The following RNF150 variants were observed in gnomAD, a reference collection of about 807,000 sequenced individuals.
RNF150 encodes ring finger protein 150.
RNF150 carries 24 observed loss-of-function variants against 39.3 expected under a neutral mutation model. That is an observed-to-expected ratio of 0.61 (90% CI 0.44 to 0.86). RNF150 has a LOEUF of 0.86. Ranked by LOEUF, RNF150 falls within the 40% of genes least tolerant of loss-of-function variation. The pLI is 0.00. For missense variants in RNF150, 502 were observed against 587.8 expected, an observed-to-expected ratio of 0.85 and a Z score of 1.51; for synonymous variants, 255 against 227.3, an observed-to-expected ratio of 1.12 and a Z score of -1.10.
At chr4:141,082,831 G>T (rs1206874083) in intron 1 of RNF150, among the ~76,000 whole-genome samples, 2 of 152,006 alleles carry the variant, frequency 1.3e-5, no homozygotes, top group Non-Finnish European at 2.9e-5. Flanking sequence ...CTCGTGATCC[G>T]CCCGCCTCGG....
intron 6 of RNF150, among the ~76,000 whole-genome samples, chr4:140,870,663 C>T (rs1728898005): frequency 6.6e-6 from 1 of 152,100 alleles, no homozygotes; most frequent in Non-Finnish European, 1.5e-5. Flanking sequence ...CACTCCACAG[C>T]ACAGCTTCAC....
At chr4:141,095,216 T>C (rs988550129) in intron 1 of RNF150, among the ~76,000 whole-genome samples, 2 of 152,214 alleles carry the variant, frequency 1.3e-5, no homozygotes, top group African/African-American at 4.8e-5. Flanking sequence ...TGTGGGCTGA[T>C]ACCTCAGTCT....
chr4:141,203,470 T>C (rs1212520570), intron 1 of RNF150, among the ~76,000 whole-genome samples: 1 of 151,900 alleles, frequency 6.6e-6, no homozygotes, highest in African/African-American at 2.4e-5. Flanking sequence ...ATGTGGACTT[T>C]GATCATTCTG....
chr4:141,056,955 G>T (rs1737000068), intron 1 of RNF150, among the ~76,000 whole-genome samples: 1 of 152,060 alleles, frequency 6.6e-6, no homozygotes, highest in South Asian at 2.1e-4. Flanking sequence ...TGATAATAGT[G>T]TAGTTACTTA....
chr4:140,984,444 T>A (rs565182577), intron 1 of RNF150, among the ~76,000 whole-genome samples: 3 of 152,256 alleles, frequency 2.0e-5, no homozygotes, highest in African/African-American at 7.2e-5. Context: ...GCAGGTAGAA[T>A]TGAATGCATT....
intron 1 of RNF150, among the ~76,000 whole-genome samples, chr4:140,987,383 T>G (rs1734050162): frequency 6.6e-6 from 1 of 152,058 alleles, no homozygotes; most frequent in African/African-American, 2.4e-5. Context: ...AAGGTTACAG[T>G]ACCCAAACTG....
chr4:141,156,930 G>A (rs1727414886), intron 1 of RNF150, among the ~76,000 whole-genome samples: 1 of 152,004 alleles, frequency 6.6e-6, no homozygotes, highest in Non-Finnish European at 1.5e-5. Flanking sequence ...ATATGCTATA[G>A]ATGATTAAAA....
chr4:141,036,602 C>T (rs1177758122), intron 1 of RNF150, among the ~76,000 whole-genome samples: 2 of 152,116 alleles, frequency 1.3e-5, no homozygotes, highest in Non-Finnish European at 2.9e-5. Context: ...GGCTTTCTTA[C>T]ATTTTGGGAA....
intron 6 of RNF150, among the ~76,000 whole-genome samples, chr4:140,885,249 G>A (rs1423188438): frequency 2.1e-5 from 3 of 143,022 alleles, no homozygotes; most frequent in Non-Finnish European, 4.5e-5. Context: ...CGCCCAGGCT[G>A]GAGTGCAGTG....
chr4:141,089,913 G>A (rs780404811), intron 1 of RNF150, among the ~76,000 whole-genome samples: 3 of 152,176 alleles, frequency 2.0e-5, no homozygotes, highest in South Asian at 2.1e-4. Flanking sequence ...GTAACACATC[G>A]ATGCCACCAC....
intron 5 of RNF150, among the ~76,000 whole-genome samples, chr4:140,920,956 A>T (rs1479362284): frequency 6.6e-6 from 1 of 151,882 alleles, no homozygotes; most frequent in Non-Finnish European, 1.5e-5. Context: ...CAAACACTGC[A>T]TATTCTCACT....
intron 4 of RNF150, among the ~76,000 whole-genome samples, chr4:140,943,938 T>C (rs982043989): frequency 2.6e-5 from 4 of 152,180 alleles, no homozygotes; most frequent in Non-Finnish European, 4.4e-5. Flanking sequence ...AGGAATTTTA[T>C]AGGAATGCAG....
At chr4:141,022,121 A>G (rs908503822) in intron 1 of RNF150, among the ~76,000 whole-genome samples, 10 of 152,192 alleles carry the variant, frequency 6.6e-5, no homozygotes, top group Non-Finnish European at 1.5e-4. Context: ...ACAGGAAAGA[A>G]AGGCCTCTTT....
chr4:140,869,998 A>G (rs538449269), intron 6 of RNF150, among the ~76,000 whole-genome samples: 86 of 152,348 alleles, frequency 5.6e-4, no homozygotes, highest in African/African-American at 2.0e-3. Flanking sequence ...TAATGGTTAT[A>G]ATACTTTTGT....
At chr4:141,197,790 A>G (rs1284346586) in intron 1 of RNF150, among the ~76,000 whole-genome samples, 4 of 151,746 alleles carry the variant, frequency 2.6e-5, no homozygotes, top group Non-Finnish European at 5.9e-5. Context: ...AGGCAGGAGA[A>G]TGGTGTGAAC....
At chr4:141,004,088 A>G (rs1297158750) in intron 1 of RNF150, among the ~76,000 whole-genome samples, 1 of 152,194 alleles carries the variant, frequency 6.6e-6, no homozygotes, top group Non-Finnish European at 1.5e-5. Context: ...CACTCATTCA[A>G]GAGCATTTAA....
Position 141,079,872 on chromosome 4 carries a change from C to T in RNF150, c.484+52453G>A, listed in dbSNP as rs1193334881. ...GTGGGACTTGGGGCAAATTGCTAACCCTCCTGAGGTTCAGTTCTCTTATAA... is the reference window on the plus strand; with the variant it reads ...GTGGGACTTGGGGCAAATTGCTAACTCTCCTGAGGTTCAGTTCTCTTATAA... On this transcript the variant is annotated intron_variant, in intron 1 of 6. Transcript: ENST00000515673. 2.0e-5 allele frequency among the ~76,000 whole-genome samples: 3 copies of T among 152,158 alleles called. No individual in the cohort carries two copies. The East Asian group carries it at 5.8e-4, about 29-fold the overall frequency.
chr4:141,130,536 T>G (rs1199449547), intron 1 of RNF150, among the ~76,000 whole-genome samples: 1 of 152,186 alleles, frequency 6.6e-6, no homozygotes, highest in Non-Finnish European at 1.5e-5. Context: ...AGCAAGCCAT[T>G]AATTGATCCA....
At chr4:141,101,372 C>T (rs1307588728) in intron 1 of RNF150, among the ~76,000 whole-genome samples, 2 of 152,088 alleles carry the variant, frequency 1.3e-5, no homozygotes, top group Non-Finnish European at 2.9e-5. Flanking sequence ...CCTAGGCCTA[C>T]ACAGGGTCAG....
Sources: gnomAD v4.1 joint callset for allele counts (sites outside exome capture counted in the v4.1 genomes callset) on GRCh38, gnomAD v4.1.1 for gene constraint, MANE v1.5 for transcripts, NCBI Gene and HGNC (gene_info 2026-07-23, HGNC 2026-07-21) for gene names.